Variants in RPS24 observed in about 807,000 individuals in gnomAD.
RPS24 encodes the protein small ribosomal subunit protein eS24.
For missense variants in RPS24, 100 were observed against 162.5 expected (o/e 0.62, Z 2.09); for synonymous variants, 72 against 55.6 (o/e 1.30, Z -1.31).
chr10:78,035,793 TA>T, intron 3 of RPS24, 73 bp downstream of exon 3: 4 of 1,272,074 alleles, frequency 3.1e-6, no homozygotes, highest in Non-Finnish European at 4.5e-6. Flanking sequence ...GTGAGTGTGG[TA>T]AAAAGGGCAA....
chr10:78,040,473 TTG>T (rs1847969282), intron 5 of RPS24, 140 bp from the exon 6 acceptor site: 1 of 755,264 alleles, frequency 1.3e-6, no homozygotes, highest in Non-Finnish European at 2.3e-6. Context: ...GATGCTTTCA[TTG>T]TGTTATGATA....
At chr10:78,049,870 T>G (rs1848082184) in intron 4 of RPS24, among the ~76,000 whole-genome samples, 1 of 152,198 alleles carries the variant, frequency 6.6e-6, no homozygotes, top group Non-Finnish European at 1.5e-5. Flanking sequence ...TGAGGTGGGC[T>G]GGGAAATATA....
intron 4 of RPS24, among the ~76,000 whole-genome samples, chr10:78,048,041 T>C (rs1467915547): frequency 6.6e-6 from 1 of 152,156 alleles, no homozygotes; most frequent in African/African-American, 2.4e-5. Context: ...CAACATCTCT[T>C]TCCACTATAA....
rs375555593 is a variant in RPS24, at chr10:78,033,865, C to G, written c.-37C>G. ...TGATTGGCCGGCGAATCGTGGTTCTCTTTTCCTCCTTGGCTGTCTGAAGAT... is the reference window on the plus strand; with the variant it reads ...TGATTGGCCGGCGAATCGTGGTTCTGTTTTCCTCCTTGGCTGTCTGAAGAT... On this transcript the variant is annotated 5_prime_UTR_variant, in exon 1 of 6. Transcript: ENST00000372360. The G allele has an allele frequency of 3.3e-5, 54 of 1,613,908 alleles. No individual in the cohort carries two copies. Among genetic ancestry groups the G allele is most frequent in the Non-Finnish European group, 2.8e-5 (33 of 1,179,968 alleles).
chr10:78,045,863 G>A (rs989090336), intron 4 of RPS24, among the ~76,000 whole-genome samples: 10 of 152,022 alleles, frequency 6.6e-5, no homozygotes, highest in Non-Finnish European at 1.2e-4. Context: ...TTAGCTGGGC[G>A]TGGTGGTGCG....
At chr10:78,035,761 A>G (rs545114897) in intron 3 of RPS24, 41 bp downstream of exon 3, 62 of 1,498,348 alleles carry the variant, frequency 4.1e-5, no homozygotes, top group South Asian at 1.0e-4. Context: ...CTGAAGACCT[A>G]TTTTTTCAAT....
At chr10:78,052,576 C>T (rs759120948) in intron 4 of RPS24, among the ~76,000 whole-genome samples, 10 of 152,110 alleles carry the variant, frequency 6.6e-5, no homozygotes, top group South Asian at 4.1e-4. Flanking sequence ...GCACCTGGAG[C>T]GAAGGCACGG....
chr10:78,044,913 G>A (rs1288765544), downstream of RPS24, among the ~76,000 whole-genome samples: 1 of 151,862 alleles, frequency 6.6e-6, no homozygotes, highest in Admixed American at 6.6e-5. Flanking sequence ...CTTTGGCAAC[G>A]CTCTGGCTGC....
intron 4 of RPS24, among the ~76,000 whole-genome samples, chr10:78,048,142 C>G (rs1848064276): frequency 6.6e-6 from 1 of 152,184 alleles, no homozygotes; most frequent in Non-Finnish European, 1.5e-5. Context: ...TACATGACAT[C>G]CATCTCCAGT....
chr10:78,051,868 A>G (rs1848101713), intron 4 of RPS24, among the ~76,000 whole-genome samples: 1 of 152,136 alleles, frequency 6.6e-6, no homozygotes, highest in African/African-American at 2.4e-5. Flanking sequence ...TCTTTAGAAA[A>G]ATGCCTGTTT....
At chr10:78,055,380 T>G in exon 5 of RPS24, 1 of 186,946 alleles carries the variant, frequency 5.3e-6, no homozygotes, top group Non-Finnish European at 1.1e-5. Context: ...TTTTTTTTGG[T>G]CTGTGTTCCT....
chr10:78,050,468 A>G (rs984153632), intron 4 of RPS24, among the ~76,000 whole-genome samples: 1 of 152,166 alleles, frequency 6.6e-6, no homozygotes, highest in Admixed American at 6.5e-5. Flanking sequence ...TCACTCCCAG[A>G]CCTCAGCAAG....
At chr10:78,054,700 G>C (rs1489166232) in exon 5 of RPS24, 1 of 1,551,712 alleles carries the variant, frequency 6.4e-7, no homozygotes, top group Admixed American at 2.0e-5. Context: ...AGGGGCTGTG[G>C]CAAGTATTTA....
chr10:78,040,451 A>G lies in RPS24; in HGVS notation c.*20-164A>G. 4 of 731,438 alleles carry G rather than the reference A, an allele frequency of 5.5e-6. No homozygotes were observed. The Admixed American group carries it at 7.4e-5, about 14-fold the overall frequency. The allele number at this position is 731,438 out of a possible 1,614,324, so 45.3% of individuals were successfully genotyped here. On this transcript the variant is annotated intron_variant, in intron 5 of 5. Coordinates refer to ENST00000372360, the MANE Select transcript of RPS24 (RefSeq NM_033022.4). ...TTATTCTTAACTTGAATGTTTGTAA[A>G]TTTTATTTCTTGATGCTTTCATTGT...
exon 5 of RPS24, chr10:78,054,813 G>C (rs1329994935): frequency 3.9e-6 from 6 of 1,551,686 alleles, no homozygotes; most frequent in Non-Finnish European, 5.2e-6. Flanking sequence ...CATGTCGCCT[G>C]CCTCACCTGC....
chr10:78,044,792 A>G (rs886517628), downstream of RPS24, among the ~76,000 whole-genome samples: 4 of 149,280 alleles, frequency 2.7e-5, no homozygotes, highest in African/African-American at 5.0e-5. Flanking sequence ...CAAGCTAAGG[A>G]TTTCACTTGT....
chr10:78,049,796 C>T (rs1222034366), intron 4 of RPS24, among the ~76,000 whole-genome samples: 2 of 152,248 alleles, frequency 1.3e-5, no homozygotes, highest in African/African-American at 4.8e-5. Flanking sequence ...CCAGAAGTCA[C>T]CTGTGTTTTT....
chr10:78,036,125 T>C (rs2131977692), intron 3 of RPS24: 1 of 298,594 alleles, frequency 3.3e-6, no homozygotes, highest in East Asian at 8.6e-5. Flanking sequence ...CACTGCAGAG[T>C]GAACTACAGC....
rs1847960640 is a variant in RPS24, at chr10:78,040,109, T to G, written c.391-95T>G. 11 of 1,220,892 alleles carry G rather than the reference T, an allele frequency of 9.0e-6. No individual in the cohort carries two copies. The Admixed American group carries it at 1.9e-4, about 21-fold the overall frequency. 75.6% of individuals were successfully genotyped at this position (1,220,892 alleles called of 1,614,324 possible). A position where few individuals can be genotyped will look rare whatever the true frequency, so the allele number is the denominator to read the frequency against. On this transcript the variant is annotated intron_variant, in intron 4 of 5. Coordinates refer to ENST00000372360, the MANE Select transcript of RPS24 (RefSeq NM_033022.4). ...CTTTAAGGTACCTGATTGCATGCAC[T>G]TAAATGCAGATTATTTTGGAGTTTG...
Sources: gnomAD v4.1 joint callset for allele counts (sites outside exome capture counted in the v4.1 genomes callset) on GRCh38, gnomAD v4.1.1 for gene constraint, MANE v1.5 for transcripts, NCBI Gene and HGNC (gene_info 2026-07-23, HGNC 2026-07-21) for gene names.